The following NHS variants were observed in gnomAD, a reference collection of about 807,000 sequenced individuals.
NHS encodes the protein actin remodeling regulator NHS.
NHS carries 5 observed loss-of-function variants against 72.5 expected under a neutral mutation model. That is an observed-to-expected ratio of 0.07 (90% CI 0.04 to 0.14). The LOEUF (loss-of-function observed/expected upper bound fraction) is 0.14. Ranked by LOEUF, NHS falls within the 10% of genes least tolerant of loss-of-function variation. NHS has a pLI of 1.00. For missense variants in NHS, 1,072 were observed against 1,355.7 expected (o/e 0.79, Z 3.29); for synonymous variants, 464 against 547.7 (o/e 0.85, Z 2.13).
chrX:17,644,966 A>G (rs1206110877), intron 1 of NHS, among the ~76,000 whole-genome samples: 5 of 111,019 alleles, frequency 4.5e-5, no homozygotes, highest in Non-Finnish European at 9.4e-5. Flanking sequence ...AGTAGGCCCT[A>G]GGTCTTTCAT....
intron 1 of NHS, among the ~76,000 whole-genome samples, chrX:17,536,248 A>G (rs888088011): frequency 1.8e-5 from 2 of 112,074 alleles, no homozygotes; most frequent in Non-Finnish European, 3.8e-5. Flanking sequence ...CCAGCTACTC[A>G]GGAGGCTGAG....
chrX:17,680,515 C>T (rs1000654398), intron 1 of NHS, among the ~76,000 whole-genome samples: 10 of 113,309 alleles, frequency 8.8e-5, no homozygotes, highest in Non-Finnish European at 1.9e-4. Flanking sequence ...CACGTGTGTG[C>T]ACATGCACAT....
chrX:17,637,537 G>A (rs1165553103), intron 1 of NHS, among the ~76,000 whole-genome samples: 1 of 111,722 alleles, frequency 9.0e-6, no homozygotes, highest in East Asian at 2.8e-4. Context: ...TTCACAAGTG[G>A]GAAGACTAGG....
intron 1 of NHS, among the ~76,000 whole-genome samples, chrX:17,456,739 G>A (rs2064827361): frequency 8.9e-6 from 1 of 111,933 alleles, no homozygotes; most frequent in African/African-American, 3.2e-5. Flanking sequence ...GCGACAAGTA[G>A]GCTATGTGTG....
chrX:17,549,134 TAA>T (rs112708749), intron 1 of NHS, among the ~76,000 whole-genome samples: 30 of 78,402 alleles, frequency 3.8e-4, no homozygotes, highest in South Asian at 6.3e-4. Context: ...GGCCCCTCAT[TAA>T]AAAAAAAAAA....
At chrX:17,478,794 C>G (rs1039426372) in intron 1 of NHS, among the ~76,000 whole-genome samples, 1 of 112,219 alleles carries the variant, frequency 8.9e-6, no homozygotes, top group African/African-American at 3.2e-5. Flanking sequence ...TGCATCTGCA[C>G]TGTCTAATAT....
intron 1 of NHS, among the ~76,000 whole-genome samples, chrX:17,463,918 C>A (rs2064859972): frequency 8.9e-6 from 1 of 112,297 alleles, no homozygotes; most frequent in African/African-American, 3.2e-5. Context: ...CTTGGCCTCT[C>A]TGAGCAGCAT....
In NHS at chrX:17,483,577, A is replaced by G. The variant is rs771790625; in HGVS notation, c.565+107255A>G. ...TCCTGTTTGTGTCAGGCATTGTGCT[A>G]TTCTCTGAACGTACATTATTCCTAG... On this transcript the variant is annotated intron_variant, in intron 1 of 8. Coordinates refer to ENST00000676302, the MANE Select transcript of NHS (RefSeq NM_001291867.2). 3.6e-5 allele frequency among the ~76,000 whole-genome samples: 4 copies of G among 111,958 alleles called. No individual in the cohort carries two copies. The South Asian group carries it at 1.5e-3, about 41-fold the overall frequency.
chrX:17,399,077 C>A lies in NHS; in HGVS notation c.565+22755C>A, dbSNP rs1345856921. On this transcript the variant is annotated intron_variant, in intron 1 of 8. Coordinates refer to ENST00000676302, the MANE Select transcript of NHS (RefSeq NM_001291867.2). ...GCTCTTTCTATAGACCATGGGGATT[C>A]CTGCCTACTTGAGTTTTCTCTTTTT... Among the ~76,000 whole-genome samples, 7 of 111,322 alleles carry A rather than the reference C, an allele frequency of 6.3e-5. No individual in the cohort carries two copies. In the East Asian group the frequency reaches 2.0e-3, roughly 31 times the overall value.
chrX:17,686,753 G>C (rs914768452), intron 1 of NHS: 2 of 111,877 alleles, frequency 1.8e-5, no homozygotes, highest in Non-Finnish European at 3.8e-5. Flanking sequence ...TGGGAGGTGG[G>C]GGGAGCAGGG....
chrX:17,484,239 A>G (rs2064958427), intron 1 of NHS, among the ~76,000 whole-genome samples: 1 of 112,500 alleles, frequency 8.9e-6, no homozygotes, highest in African/African-American at 3.2e-5. Flanking sequence ...ACTCCTCCAA[A>G]GGAAAGGGTT....
intron 1 of NHS, among the ~76,000 whole-genome samples, chrX:17,657,466 T>C (rs1385601684): frequency 8.9e-6 from 1 of 112,434 alleles, no homozygotes. Flanking sequence ...TTGACCCCGC[T>C]ATTAGAGGGG....
At chrX:17,687,611 T>G in intron 1 of NHS, 131 bp from the exon 2 acceptor site, 1 of 784,227 alleles carries the variant, frequency 1.3e-6, no homozygotes. Context: ...GAGTTAGTTC[T>G]TAATGTGAAT....
chrX:17,599,560 G>A (rs1037367010), intron 1 of NHS, among the ~76,000 whole-genome samples: 2 of 109,584 alleles, frequency 1.8e-5, no homozygotes, highest in Non-Finnish European at 3.8e-5. Flanking sequence ...ACATTAGTAT[G>A]GTACATTTCT....
At chrX:17,396,627 T>C (rs2064476257) in intron 1 of NHS, among the ~76,000 whole-genome samples, 1 of 111,924 alleles carries the variant, frequency 8.9e-6, no homozygotes, top group South Asian at 3.8e-4. Context: ...GGTATAATAA[T>C]TCCATTTATA....
intron 3 of NHS, among the ~76,000 whole-genome samples, chrX:17,712,253 GTATA>G (rs1216194040): frequency 0.068 from 3,423 of 50,117 alleles, 214 homozygotes; most frequent in Middle Eastern, 0.17. Context: ...TTGTGTGTGT[GTATA>G]TATATATATA....
At chrX:17,636,690 A>C (rs1468480658) in intron 1 of NHS, among the ~76,000 whole-genome samples, 1 of 112,140 alleles carries the variant, frequency 8.9e-6, no homozygotes, top group Non-Finnish European at 1.9e-5. Flanking sequence ...GGTTTGTCCT[A>C]CCTGCTGTCT....
intron 1 of NHS, among the ~76,000 whole-genome samples, chrX:17,533,769 C>T (rs757778145): frequency 1.8e-5 from 2 of 111,724 alleles, no homozygotes; most frequent in Admixed American, 9.4e-5. Flanking sequence ...CCTTGGGCAG[C>T]CCCCACAGCC....
chrX:17,684,486 C>A (rs2147109582), intron 1 of NHS, among the ~76,000 whole-genome samples: 1 of 110,540 alleles, frequency 9.0e-6, no homozygotes, highest in African/African-American at 3.3e-5. Flanking sequence ...CTTTCAAGTT[C>A]ATTGGTTGAT....
Sources: allele counts gnomAD v4.1 joint callset (sites outside exome capture counted in the v4.1 genomes callset), GRCh38; gene constraint gnomAD v4.1.1; transcripts MANE v1.5; gene names NCBI Gene and HGNC (gene_info 2026-07-23, HGNC 2026-07-21).